The following DHX34 variants were observed in gnomAD, a reference collection of about 807,000 sequenced individuals.
DHX34 encodes DExH-box helicase 34, also known as probable ATP-dependent RNA helicase DHX34.
Under a neutral mutation model 111.1 loss-of-function variants are expected in DHX34, and 96 were observed. The observed-to-expected ratio is 0.86, with a 90% CI of 0.73 to 1.02. The LOEUF is 1.02. Ranked by LOEUF, DHX34 falls within the 50% of genes least tolerant of loss-of-function variation. The probability of loss-of-function intolerance (pLI) is 0.00; values close to 1 mark genes in which losing one functional copy is unlikely to be tolerated. For missense variants in DHX34, 1,560 were observed against 1,579.9 expected (o/e 0.99, Z 0.21); for synonymous variants, 688 against 670.4 (o/e 1.03, Z -0.41).
chr19:47,354,418 CAAGAA>C (rs1387092461), intron 2 of DHX34, among the ~76,000 whole-genome samples: 1 of 152,082 alleles, frequency 6.6e-6, no homozygotes, highest in Non-Finnish European at 1.5e-5. Flanking sequence ...AGCAGGGACT[CAAGAA>C]AAGGTTATTG....
intron 3 of DHX34, among the ~76,000 whole-genome samples, 167 bp downstream of exon 3, chr19:47,355,517 A>C (rs1013670187): frequency 2.0e-5 from 3 of 152,118 alleles, no homozygotes; most frequent in East Asian, 1.9e-4. Context: ...AGCTGGTTAG[A>C]GTGCTAAGTG....
chr19:47,350,299 G>A (rs941613025), intron 1 of DHX34, among the ~76,000 whole-genome samples: 1 of 152,156 alleles, frequency 6.6e-6, no homozygotes, highest in African/African-American at 2.4e-5. Context: ...AGCACTTTGG[G>A]AGGCTGCGGT....
Position 47,379,971 on chromosome 19 carries a change from T to C in DHX34, c.2968T>C (p.Phe990Leu). ...CACCCTGAGCAAGGAACTCCTGCAA[T>C]TCACGGCATCCAAGGTACCCTCCAC... The part of the protein sequence containing the change: ...VATLSKELLQ[F>L]TASKIPYSLR... The change falls in exon 14 of 17, where the codon TTC (phenylalanine) becomes CTC (leucine). Residue 990 changes from phenylalanine to leucine, a missense_variant. Phe to Leu is a conservative substitution (Grantham distance 22, BLOSUM62 0). Transcript: ENST00000328771. 6.3e-7 allele frequency: 1 copy of C among 1,586,784 alleles called. No homozygotes were observed. The highest frequency in any genetic ancestry group is 8.6e-7 in the Non-Finnish European group (1 of 1,158,834).
At chr19:47,371,434 A>G (rs1447260847) in intron 7 of DHX34, among the ~76,000 whole-genome samples, 2 of 152,182 alleles carry the variant, frequency 1.3e-5, no homozygotes, top group African/African-American at 2.4e-5. Flanking sequence ...GGAGAGGCCA[A>G]TGCTGTTGTT....
At chr19:47,371,622 G>A (rs984784035) in intron 7 of DHX34, among the ~76,000 whole-genome samples, 5 of 152,200 alleles carry the variant, frequency 3.3e-5, no homozygotes, top group African/African-American at 4.8e-5. Context: ...TTTTTGAGAC[G>A]AAGTCTTGCT....
intron 8 of DHX34, 61 bp from the exon 9 acceptor site, chr19:47,373,538 C>T: frequency 1.3e-6 from 2 of 1,569,612 alleles, no homozygotes; most frequent in Non-Finnish European, 1.7e-6. Flanking sequence ...GGTGCTCGGT[C>T]AGCCCCTCCC....
Position 47,359,995 on chromosome 19 carries a change from C to G in DHX34, c.1300C>G (p.Arg434Gly). 6.2e-7 allele frequency: 1 copy of G among 1,614,066 alleles called. No individual in the cohort carries two copies. The highest frequency in any genetic ancestry group is 2.2e-5 in the East Asian group (1 of 44,876). ...ATTTGATGTGGCACCCCCTGGAGTCCGGAAATGCATCCTCTCCACCAACAT... is the reference window on the plus strand; with the variant it reads ...ATTTGATGTGGCACCCCCTGGAGTCGGGAAATGCATCCTCTCCACCAACAT... ...KVFDVAPPGV[R>G]KCILSTNIAE... is the part of the protein sequence containing the mutation. Residue 434 changes from arginine to glycine, a missense_variant, in exon 5 of 17, where the codon CGG (arginine) becomes GGG (glycine). Transcript: ENST00000328771.
intron 8 of DHX34, 26 bp downstream of exon 8, chr19:47,372,949 G>C (rs1429823965): frequency 2.2e-6 from 3 of 1,377,094 alleles, no homozygotes; most frequent in Admixed American, 2.3e-5. Context: ...GGGGCCCTCT[G>C]TCTGTCACCC....
At chr19:47,351,487 T>TA (rs1260786723) in intron 1 of DHX34, among the ~76,000 whole-genome samples, 2 of 152,184 alleles carry the variant, frequency 1.3e-5, no homozygotes, top group African/African-American at 2.4e-5. Flanking sequence ...CTTCAAGACC[T>TA]AAATGATGTT....
In DHX34 at chr19:47,381,296, C is replaced by T; in HGVS notation, c.3270C>T (p.Cys1090=). Residue 1090 remains cysteine (C), a synonymous_variant, in exon 16 of 17, where the codon TGC becomes TGT. Transcript: ENST00000328771. The part of the protein sequence containing the change: ...PLERIAHENT[C]PQAPQDGPPG... ...AGCGCATCGCCCATGAGAACACCTGCCCCCAGGCCCCACAGGATGGGCCCC... is the reference window on the plus strand; with the variant it reads ...AGCGCATCGCCCATGAGAACACCTGTCCCCAGGCCCCACAGGATGGGCCCC... 2 of 1,613,722 alleles carry T rather than the reference C, an allele frequency of 1.2e-6. No individual in the cohort carries two copies. The highest frequency in any genetic ancestry group is 2.2e-5 in the East Asian group (1 of 44,884).
intron 1 of DHX34, among the ~76,000 whole-genome samples, chr19:47,351,139 T>TA (rs1156635335): frequency 6.6e-6 from 1 of 151,396 alleles, no homozygotes; most frequent in Non-Finnish European, 1.5e-5. Flanking sequence ...AAGCAGTTTC[T>TA]AGCCTCAGAA....
intron 7 of DHX34, 119 bp from the exon 8 acceptor site, chr19:47,372,611 G>T: frequency 7.0e-7 from 1 of 1,434,422 alleles, no homozygotes; most frequent in African/African-American, 1.5e-5. Flanking sequence ...ACCCTTAGTG[G>T]GCAAGATGGA....
chr19:47,363,609 G>C (rs1969699053), intron 6 of DHX34, among the ~76,000 whole-genome samples: 1 of 152,042 alleles, frequency 6.6e-6, no homozygotes, highest in Non-Finnish European at 1.5e-5. Context: ...CTTGATACCA[G>C]GAGTTTGAGA....
intron 5 of DHX34, among the ~76,000 whole-genome samples, chr19:47,361,215 T>C (rs1275914944): frequency 6.6e-6 from 1 of 151,952 alleles, no homozygotes; most frequent in Non-Finnish European, 1.5e-5. Flanking sequence ...ACCAGCACTT[T>C]GGGAGGCCAA....
At chr19:47,373,468 G>A in intron 8 of DHX34, 131 bp from the exon 9 acceptor site, 1 of 1,456,756 alleles carries the variant, frequency 6.9e-7, no homozygotes, top group Non-Finnish European at 9.0e-7. Flanking sequence ...GGGGCACTGG[G>A]GCTGAGACCT....
chr19:47,380,678 C>T, intron 14 of DHX34, 138 bp from the exon 15 acceptor site: 1 of 1,475,500 alleles, frequency 6.8e-7, no homozygotes, highest in Non-Finnish European at 9.0e-7. Flanking sequence ...TGTCTGCAGC[C>T]AAATTGTGAT....
chr19:47,373,824 C>T, intron 9 of DHX34, 124 bp downstream of exon 9: 3 of 1,226,160 alleles, frequency 2.4e-6, no homozygotes, highest in East Asian at 5.4e-5. Context: ...CACCCACCTC[C>T]CCCACCACCC....
Position 47,355,342 on chromosome 19 carries a change from C to T in DHX34, c.1009C>T (p.Pro337Ser). Residue 337 changes from proline to serine, a missense_variant, in exon 3 of 17, where the codon CCC becomes TCC. Pro to Ser is a moderately conservative substitution (Grantham distance 74). Transcript: ENST00000328771. ...GGTACAGGTGCCTGGGAGGCTGTTCCCCATCACGGTGAGTACTTCCCCCTC... is the reference window on the plus strand; with the variant it reads ...GGTACAGGTGCCTGGGAGGCTGTTCTCCATCACGGTGAGTACTTCCCCCTC... ...PVVQVPGRLF[P>S]ITVVYQPQEA... 1 of 1,612,550 alleles carries T rather than the reference C, an allele frequency of 6.2e-7. No individual in the cohort carries two copies.
chr19:47,355,089 T>C lies in DHX34; in HGVS notation c.756T>C (p.Ile252=). 6.2e-7 allele frequency: 1 copy of C among 1,612,514 alleles called. No individual in the cohort carries two copies. The highest frequency in any genetic ancestry group is 8.5e-7 in the Non-Finnish European group (1 of 1,179,662). Residue 252 remains isoleucine, a synonymous_variant, in exon 3 of 17, where the codon ATT becomes ATC. Coordinates refer to ENST00000328771, the MANE Select transcript of DHX34 (RefSeq NM_014681.6). ...GCACACGTTCGGCGGCCACCAAGAT[T>C]GTATTCCTGACAGTGGGGCTGCTCC... ...FESTRSAATK[I]VFLTVGLLLR...
Sources: allele counts gnomAD v4.1 joint callset (sites outside exome capture counted in the v4.1 genomes callset), GRCh38; gene constraint gnomAD v4.1.1; transcripts MANE v1.5; gene names NCBI Gene and HGNC (gene_info 2026-07-23, HGNC 2026-07-21).